SANBR: variants seen among roughly 807,000 people sequenced by gnomAD.
SANBR encodes SANT and BTB domain regulator of CSR.
Under a neutral mutation model 101.8 loss-of-function variants are expected in SANBR, and 77 were observed. The observed-to-expected ratio is 0.76, with a 90% CI of 0.63 to 0.91. The LOEUF (loss-of-function observed/expected upper bound fraction) is 0.91, where lower values mean the gene tolerates loss of function less well. Among genes scored for constraint, SANBR ranks in the 40% least tolerant of loss-of-function variants. SANBR has a pLI of 0.00. For missense variants in SANBR, 875 were observed against 853.0 expected, an observed-to-expected ratio of 1.03 and a Z score of -0.32; for synonymous variants, 279 against 274.7, an observed-to-expected ratio of 1.02 and a Z score of -0.15.
chr2:61,113,332 T>G (rs1464552695), intron 16 of SANBR, among the ~76,000 whole-genome samples: 1 of 152,214 alleles, frequency 6.6e-6, no homozygotes, highest in Non-Finnish European at 1.5e-5. Context: ...TTTCTACAAA[T>G]TTTAGAGTCT....
chr2:61,108,511 A>G (rs1371528049), intron 15 of SANBR, among the ~76,000 whole-genome samples, 162 bp downstream of exon 15: 1 of 152,226 alleles, frequency 6.6e-6, no homozygotes, highest in East Asian at 1.9e-4. Context: ...ATGCCATTAA[A>G]TTATTTAAGA....
At chr2:61,136,031 G>A (rs1397114700) in intron 21 of SANBR, among the ~76,000 whole-genome samples, 9 of 152,112 alleles carry the variant, frequency 5.9e-5, no homozygotes, top group African/African-American at 9.7e-5. Context: ...AAGGTTGGGC[G>A]CATTGCCTCA....
At chr2:61,086,036 C>G (rs549507877) in intron 8 of SANBR, among the ~76,000 whole-genome samples, 1 of 152,272 alleles carries the variant, frequency 6.6e-6, no homozygotes, top group South Asian at 2.1e-4. Flanking sequence ...AAGATTTAAC[C>G]TTTTAATAAT....
chr2:61,066,792 C>G (rs1681197422), intron 1 of SANBR, among the ~76,000 whole-genome samples: 1 of 152,064 alleles, frequency 6.6e-6, no homozygotes, highest in South Asian at 2.1e-4. Flanking sequence ...GTGACTTAGA[C>G]TAGTCTTCTT....
In SANBR at chr2:61,115,991, A is replaced by T; in HGVS notation, c.1757A>T (p.Lys586Met). The T allele has an allele frequency of 6.2e-7, 1 of 1,609,980 alleles. No homozygotes were observed. Among genetic ancestry groups the T allele is most frequent in the South Asian group, 1.1e-5 (1 of 90,326 alleles). ...EVSKKQRKKEKPKKFTRQPKK... is the reference protein window; with the variant it reads ...EVSKKQRKKEMPKKFTRQPKK... The stretch of plus-strand genomic sequence containing the variant: ...TTCTCATTATCAGGGAAAAAGGAGA[A>T]GCCAAAGAAGTTCACTAGACAACCA... The change falls in exon 17 of 22, where the codon AAG (lysine) becomes ATG (methionine). Residue 586 changes from lysine (K) to methionine (M), a missense_variant. Transcript: ENST00000402291.
At chr2:61,099,095 A>T (rs1388969160) in intron 12 of SANBR, among the ~76,000 whole-genome samples, 1 of 152,256 alleles carries the variant, frequency 6.6e-6, no homozygotes, top group Admixed American at 6.5e-5. Context: ...CATAGTGAGT[A>T]AAAGAGACTG....
rs945817361 is a variant in SANBR, at chr2:61,123,793, C to G, written c.*1631C>G. 5 of 985,382 alleles carry G rather than the reference C, an allele frequency of 5.1e-6. No individual in the cohort carries two copies. The South Asian group carries it at 1.4e-4, about 28-fold the overall frequency. The allele number at this position is 985,382 out of a possible 1,614,324, so 61.0% of individuals were successfully genotyped here. A position where few individuals can be genotyped will look rare whatever the true frequency, so the allele number is the denominator to read the frequency against. ...AACCAGAGTTTATCAGAATTTGATT[C>G]TCTTCAGAATGCTTTTGGCCAGGTG... On this transcript the variant is annotated 3_prime_UTR_variant, in exon 22 of 22. Coordinates refer to ENST00000402291, the MANE Select transcript of SANBR (RefSeq NM_001129993.3).
At chr2:61,095,833 G>T (rs368607656) in intron 11 of SANBR, among the ~76,000 whole-genome samples, 2 of 152,024 alleles carry the variant, frequency 1.3e-5, no homozygotes, top group Non-Finnish European at 2.9e-5. Flanking sequence ...AAAGCCCAGC[G>T]ATGTCCCCTC....
chr2:61,108,236 C>G (rs1683666077), intron 14 of SANBR, 81 bp from the exon 15 acceptor site: 1 of 837,704 alleles, frequency 1.2e-6, no homozygotes, highest in African/African-American at 1.8e-5. Context: ...TTTTTCAACT[C>G]TTCTACAGTA....
intron 11 of SANBR, among the ~76,000 whole-genome samples, chr2:61,095,937 G>T (rs966835897): frequency 2.6e-5 from 4 of 151,964 alleles, no homozygotes; most frequent in African/African-American, 9.7e-5. Flanking sequence ...TTCACCCCAG[G>T]CCTTGTGGGA....
intron 1 of SANBR, 162 bp downstream of exon 1, chr2:61,066,189 C>G (rs533556093): frequency 6.5e-6 from 1 of 152,798 alleles, no homozygotes; most frequent in African/African-American, 2.4e-5. Context: ...CAGCCTCAGC[C>G]GGCCGCGCCT....
intron 4 of SANBR, 124 bp downstream of exon 4, chr2:61,071,916 C>T (rs1681494692): frequency 4.8e-6 from 3 of 619,468 alleles, no homozygotes; most frequent in Admixed American, 3.8e-5. Flanking sequence ...GAAATGTATT[C>T]ATATTTGTAT....
In SANBR at chr2:61,122,965, C is replaced by G. The variant is rs1167248821; in HGVS notation, c.*803C>G. 1.9e-5 allele frequency: 19 copies of G among 984,770 alleles called. No homozygotes were observed. The South Asian group carries it at 8.0e-4, about 41-fold the overall frequency. 61.0% of individuals were successfully genotyped at this position (984,770 alleles called of 1,614,324 possible). A position where few individuals can be genotyped will look rare whatever the true frequency, so the allele number is the denominator to read the frequency against. On this transcript the variant is annotated 3_prime_UTR_variant, in exon 22 of 22. Transcript: ENST00000402291. ...CTGTACAGTTCTCAGGGCTCTAAAA[C>G]CCAACCATATTTCTGTAACCATTCA...
At chr2:61,129,667 T>C (rs1384131352) in intron 20 of SANBR, among the ~76,000 whole-genome samples, 2 of 152,106 alleles carry the variant, frequency 1.3e-5, no homozygotes, top group Non-Finnish European at 2.9e-5. Context: ...CAAAGCTATA[T>C]TGGACTAAGG....
intron 12 of SANBR, among the ~76,000 whole-genome samples, chr2:61,098,292 C>G (rs1276873461): frequency 6.6e-6 from 1 of 151,782 alleles, no homozygotes; most frequent in Non-Finnish European, 1.5e-5. Flanking sequence ...TTGTTAGAGA[C>G]AGGGTTTCGC....
At chr2:61,085,036 A>G (rs1413829947) in intron 8 of SANBR, among the ~76,000 whole-genome samples, 2 of 152,196 alleles carry the variant, frequency 1.3e-5, no homozygotes, top group African/African-American at 4.8e-5. Context: ...AGGGAAATCA[A>G]GAGATAGCTT....
At chr2:61,091,051 T>A (rs1682729575) in intron 10 of SANBR, among the ~76,000 whole-genome samples, 1 of 151,970 alleles carries the variant, frequency 6.6e-6, no homozygotes. Flanking sequence ...AGTAAGCCTC[T>A]CTGGCCTAAA....
intron 10 of SANBR, chr2:61,088,703 T>G (rs1682586825): frequency 2.5e-5 from 7 of 274,802 alleles, no homozygotes; most frequent in Non-Finnish European, 4.3e-5. Flanking sequence ...GTATTTTTAG[T>G]AGAGATGGAG....
intron 1 of SANBR, among the ~76,000 whole-genome samples, chr2:61,067,475 C>A (rs1392713037): frequency 6.6e-6 from 1 of 152,158 alleles, no homozygotes; most frequent in African/African-American, 2.4e-5. Flanking sequence ...CAGTGGCTCA[C>A]GCCTGTAATC....
Sources: allele counts gnomAD v4.1 joint callset (sites outside exome capture counted in the v4.1 genomes callset), GRCh38; gene constraint gnomAD v4.1.1; transcripts MANE v1.5; gene names NCBI Gene and HGNC (gene_info 2026-07-23, HGNC 2026-07-21).